RORB: variants seen among roughly 807,000 people sequenced by gnomAD.
The protein encoded by RORB is RAR related orphan receptor B.
A neutral mutation model predicts 59.1 loss-of-function variants in RORB; 6 were observed. The ratio of observed to expected loss-of-function variants is 0.10; its 90% CI spans 0.06 to 0.20. RORB has a LOEUF of 0.20. RORB is among the 10% of genes least tolerant of loss of function. The pLI is 1.00. For synonymous variants in RORB, 215 were observed against 204.5 expected (o/e 1.05, Z -0.44); for missense variants, 320 against 560.5 (o/e 0.57, Z 4.33).
At chr9:74,630,427 A>G in intron 2 of RORB, 60 bp downstream of exon 2, 2 of 1,271,308 alleles carry the variant, frequency 1.6e-6, no homozygotes, top group Middle Eastern at 2.0e-4. Context: ...GTACCTCACA[A>G]GATGCGGTGA....
intron 1 of RORB, among the ~76,000 whole-genome samples, chr9:74,599,008 C>A (rs112276061): frequency 1.3e-5 from 2 of 152,168 alleles, no homozygotes; most frequent in African/African-American, 2.4e-5. Flanking sequence ...ATCTCTCTCA[C>A]GACCATGAGA....
At chr9:74,654,502 T>C (rs1168309788) in intron 4 of RORB, among the ~76,000 whole-genome samples, 1 of 152,212 alleles carries the variant, frequency 6.6e-6, no homozygotes, top group Non-Finnish European at 1.5e-5. Context: ...TCAATTTTAT[T>C]CTAGTTTTCC....
At chr9:74,514,142 A>C (rs1825978614) in intron 1 of RORB, among the ~76,000 whole-genome samples, 1 of 152,130 alleles carries the variant, frequency 6.6e-6, no homozygotes, top group Non-Finnish European at 1.5e-5. Context: ...AGCTTTGGAC[A>C]ACAGCTACTG....
chr9:74,606,541 A>T (rs935390166), intron 1 of RORB, among the ~76,000 whole-genome samples: 4 of 152,212 alleles, frequency 2.6e-5, no homozygotes, highest in Non-Finnish European at 5.9e-5. Context: ...TCAGGGACAA[A>T]TTTCCTTCTA....
At chr9:74,509,756 T>C (rs1053077932) in intron 1 of RORB, among the ~76,000 whole-genome samples, 2 of 152,092 alleles carry the variant, frequency 1.3e-5, no homozygotes, top group East Asian at 1.9e-4. Flanking sequence ...AAAGGCCTAT[T>C]ATCATCCTTC....
chr9:74,553,740 CCT>C (rs1563935867), intron 1 of RORB, among the ~76,000 whole-genome samples: 1 of 151,964 alleles, frequency 6.6e-6, no homozygotes, highest in African/African-American at 2.4e-5. Context: ...TATTTTACAC[CCT>C]CTGTTTTAAG....
At chr9:74,618,246 G>C (rs138683243) in intron 1 of RORB, among the ~76,000 whole-genome samples, 1 of 152,148 alleles carries the variant, frequency 6.6e-6, no homozygotes, top group Non-Finnish European at 1.5e-5. Flanking sequence ...AAAATCAAAA[G>C]TGTCTGCAAA....
At chr9:74,641,772 C>T (rs1008783862) in intron 3 of RORB, among the ~76,000 whole-genome samples, 1 of 151,586 alleles carries the variant, frequency 6.6e-6, no homozygotes, top group Non-Finnish European at 1.5e-5. Flanking sequence ...CTGGACCTGG[C>T]GGCATGCACC....
At chr9:74,524,370 G>T (rs1281547308) in intron 1 of RORB, among the ~76,000 whole-genome samples, 3 of 151,856 alleles carry the variant, frequency 2.0e-5, no homozygotes, top group African/African-American at 7.2e-5. Context: ...CTTGCCTTGA[G>T]TGATTGATAC....
intron 1 of RORB, among the ~76,000 whole-genome samples, chr9:74,612,701 T>C (rs1171030375): frequency 6.6e-6 from 1 of 152,198 alleles, no homozygotes; most frequent in South Asian, 2.1e-4. Flanking sequence ...AATACTTGGC[T>C]TTTAGCACCC....
intron 1 of RORB, among the ~76,000 whole-genome samples, chr9:74,501,329 T>C (rs1015994672): frequency 6.6e-6 from 1 of 152,240 alleles, no homozygotes; most frequent in Non-Finnish European, 1.5e-5. Flanking sequence ...AAGAGGCTTC[T>C]TGCTCTCAGA....
At position 74,540,511 on chromosome 9, in the gene RORB, C is replaced by T. The variant is rs546250991; in HGVS notation, c.7+42528C>T. On this transcript the variant is annotated intron_variant, in intron 1 of 9. Coordinates refer to ENST00000376896, the MANE Select transcript of RORB (RefSeq NM_006914.4). ...GTAAGCTATCAGTTAAGTAAATCAA[C>T]GCATACAGCAAATAAGAAAATATAT... is the stretch of plus-strand genomic sequence containing the variant. Among the ~76,000 whole-genome samples, 11 of 152,274 alleles carry T rather than the reference C, an allele frequency of 7.2e-5. 1 individual carries two copies. The highest frequency in any genetic ancestry group is 5.2e-4 in the Admixed American group (8 of 15,286).
intron 1 of RORB, among the ~76,000 whole-genome samples, chr9:74,523,585 A>G (rs1826112750): frequency 6.6e-6 from 1 of 151,950 alleles, no homozygotes; most frequent in Admixed American, 6.6e-5. Flanking sequence ...TGAACAATTC[A>G]CAACTAAAGG....
At chr9:74,552,314 A>G (rs1382094638) in intron 1 of RORB, among the ~76,000 whole-genome samples, 2 of 152,120 alleles carry the variant, frequency 1.3e-5, no homozygotes, top group Non-Finnish European at 2.9e-5. Context: ...TCATCTTATC[A>G]TCTATAACAT....
At chr9:74,579,527 T>C (rs1822689244) in intron 1 of RORB, among the ~76,000 whole-genome samples, 1 of 152,124 alleles carries the variant, frequency 6.6e-6, no homozygotes, top group South Asian at 2.1e-4. Flanking sequence ...AGCTACAATG[T>C]TGCAATACAC....
At chr9:74,670,511 A>C (rs772809032) in intron 8 of RORB, among the ~76,000 whole-genome samples, 2 of 152,226 alleles carry the variant, frequency 1.3e-5, no homozygotes, top group African/African-American at 4.8e-5. Context: ...GAAAAAAAAC[A>C]TACTATCATC....
chr9:74,647,654 AAATAT>A (rs1488662249), intron 4 of RORB, among the ~76,000 whole-genome samples: 1 of 152,220 alleles, frequency 6.6e-6, no homozygotes, highest in African/African-American at 2.4e-5. Context: ...CATCATAAAT[AAATAT>A]AAATCTCTTT....
intron 1 of RORB, among the ~76,000 whole-genome samples, chr9:74,616,417 A>G (rs1353936677): frequency 6.6e-6 from 1 of 152,204 alleles, no homozygotes; most frequent in Non-Finnish European, 1.5e-5. Flanking sequence ...TCAGAATCAC[A>G]TCTTTCCACA....
At chr9:74,633,668 A>T (rs950455460) in intron 2 of RORB, among the ~76,000 whole-genome samples, 3 of 152,144 alleles carry the variant, frequency 2.0e-5, no homozygotes, top group Non-Finnish European at 4.4e-5. Context: ...CTATAAGACA[A>T]CTAAGGAGAA....
Sources: gnomAD v4.1 joint callset for allele counts (sites outside exome capture counted in the v4.1 genomes callset) on GRCh38, gnomAD v4.1.1 for gene constraint, MANE v1.5 for transcripts, NCBI Gene and HGNC (gene_info 2026-07-23, HGNC 2026-07-21) for gene names.